FAM110B: variants seen among roughly 807,000 people sequenced by gnomAD.
FAM110B encodes the protein family with sequence similarity 110 member B.
Under a neutral mutation model 20.4 loss-of-function variants are expected in FAM110B, and 6 were observed. The ratio of observed to expected loss-of-function variants is 0.29; its 90% CI spans 0.16 to 0.58. The LOEUF (loss-of-function observed/expected upper bound fraction) is 0.58, where lower values mean the gene tolerates loss of function less well. Ranked by LOEUF, FAM110B falls within the 20% of genes least tolerant of loss-of-function variation. FAM110B has a pLI of 0.90. For synonymous variants in FAM110B, 226 were observed against 214.1 expected, an observed-to-expected ratio of 1.06 and a Z score of -0.49; for missense variants, 434 against 498.2, an observed-to-expected ratio of 0.87 and a Z score of 1.23.
rs562693134 is a variant in FAM110B at position 58,004,700 on chromosome 8, G to A, written c.-512+9894G>A. The stretch of plus-strand genomic sequence containing the variant: ...GCGGAGATTGCAGTGAGCTGAGATC[G>A]CACCACTGCACTCCAGCCTGGGCGA... On this transcript the variant is annotated intron_variant, in intron 1 of 3. Transcript: ENST00000519262. Among the ~76,000 whole-genome samples the A allele has an allele frequency of 5.3e-5, 8 of 152,308 alleles. 1 individual carries two copies. Among genetic ancestry groups the A allele is most frequent in the South Asian group, 2.1e-4 (1 of 4,832 alleles).
At chr8:58,017,209 A>T (rs1313765837) in intron 1 of FAM110B, among the ~76,000 whole-genome samples, 1 of 152,214 alleles carries the variant, frequency 6.6e-6, no homozygotes, top group Non-Finnish European at 1.5e-5. Flanking sequence ...TTGAGCATTT[A>T]CAAGGCTTAA....
At chr8:58,136,923 C>T (rs149629303) in intron 3 of FAM110B, among the ~76,000 whole-genome samples, 1 of 152,164 alleles carries the variant, frequency 6.6e-6, no homozygotes, top group African/African-American at 2.4e-5. Flanking sequence ...AAGAATCCAT[C>T]GTGGATTGAG....
intron 1 of FAM110B, among the ~76,000 whole-genome samples, chr8:58,019,254 C>T (rs1373188486): frequency 7.0e-6 from 1 of 143,876 alleles, no homozygotes; most frequent in Non-Finnish European, 1.5e-5. Context: ...AGGAGAATCT[C>T]TTGAACCCGG....
intron 3 of FAM110B, among the ~76,000 whole-genome samples, chr8:58,098,646 G>A (rs1314004263): frequency 6.6e-6 from 1 of 152,176 alleles, no homozygotes; most frequent in African/African-American, 2.4e-5. Context: ...GCCCAGTTTT[G>A]TGCAGGAAAC....
intron 2 of FAM110B, among the ~76,000 whole-genome samples, chr8:58,035,041 A>G (rs1805049090): frequency 1.3e-5 from 2 of 152,232 alleles, no homozygotes; most frequent in Non-Finnish European, 2.9e-5. Context: ...ATGATTGACT[A>G]CTAGAGTGAA....
At chr8:58,132,081 AG>A (rs1165565606) in intron 3 of FAM110B, among the ~76,000 whole-genome samples, 1 of 151,962 alleles carries the variant, frequency 6.6e-6, no homozygotes, top group African/African-American at 2.4e-5. Flanking sequence ...TCCACGAAGG[AG>A]GGTGTCGCCA....
intron 2 of FAM110B, among the ~76,000 whole-genome samples, chr8:58,066,294 G>A (rs906954721): frequency 6.6e-6 from 1 of 152,128 alleles, no homozygotes; most frequent in Admixed American, 6.5e-5. Context: ...CCCTCTCAGC[G>A]GGCGACCTCC....
At chr8:58,005,653 C>T (rs1228465747) in intron 1 of FAM110B, among the ~76,000 whole-genome samples, 6 of 152,190 alleles carry the variant, frequency 3.9e-5, no homozygotes, top group Non-Finnish European at 8.8e-5. Context: ...CCTCCCTAAT[C>T]TGTGTGGTCT....
At chr8:58,120,076 C>G (rs1402250354) in intron 3 of FAM110B, among the ~76,000 whole-genome samples, 1 of 152,142 alleles carries the variant, frequency 6.6e-6, no homozygotes, top group Non-Finnish European at 1.5e-5. Flanking sequence ...AGGACACCTT[C>G]CTCAAGGGCA....
intron 2 of FAM110B, among the ~76,000 whole-genome samples, chr8:58,052,752 T>A (rs893109202): frequency 1.4e-5 from 2 of 140,290 alleles, no homozygotes; most frequent in East Asian, 4.2e-4. Context: ...CCTGATAGAG[T>A]GTGGTGAGAG....
chr8:58,131,885 G>A (rs1314472971), intron 3 of FAM110B, among the ~76,000 whole-genome samples: 3 of 152,138 alleles, frequency 2.0e-5, no homozygotes, highest in African/African-American at 7.2e-5. Context: ...ATTCCCTTGA[G>A]GGCAGAGCTT....
At chr8:58,118,624 C>T (rs1807278200) in intron 3 of FAM110B, among the ~76,000 whole-genome samples, 1 of 152,140 alleles carries the variant, frequency 6.6e-6, no homozygotes, top group South Asian at 2.1e-4. Flanking sequence ...GACTGTTTAC[C>T]TTCAGTGCCT....
Position 58,146,234 on chromosome 8 carries a change from C to T in FAM110B, c.4C>T (p.Pro2Ser), listed in dbSNP as rs781193280. 5 of 1,590,822 alleles carry T rather than the reference C, an allele frequency of 3.1e-6. No individual in the cohort carries two copies. The highest frequency in any genetic ancestry group is 1.1e-5 in the South Asian group (1 of 89,298). ...TGCCGGGGAAAGACCGCCCACCATG[C>T]CCACGGAGACCCTACAGACAGGTAG... MPTETLQTGSMV... is the reference protein window; with the variant it reads MSTETLQTGSMV... Residue 2 changes from proline (P) to serine (S), a missense_variant, in exon 4 of 4, where the codon CCC becomes TCC. Transcript: ENST00000519262.
intron 1 of FAM110B, among the ~76,000 whole-genome samples, chr8:58,006,917 A>ATTT (rs199509693): frequency 1.2e-5 from 1 of 84,176 alleles, no homozygotes; most frequent in Non-Finnish European, 2.5e-5. Context: ...ATATATATAT[A>ATTT]TATATATTTT....
intron 3 of FAM110B, among the ~76,000 whole-genome samples, chr8:58,124,711 G>A (rs540948202): frequency 7.2e-5 from 11 of 152,200 alleles, no homozygotes; most frequent in African/African-American, 7.2e-5. Flanking sequence ...ACCTAGAAGC[G>A]TATGTTGTTT....
At chr8:58,103,456 AATG>A (rs1806835729) in intron 3 of FAM110B, among the ~76,000 whole-genome samples, 1 of 152,012 alleles carries the variant, frequency 6.6e-6, no homozygotes, top group South Asian at 2.1e-4. Flanking sequence ...GTTTACTGAG[AATG>A]ATGATTTCCA....
intron 2 of FAM110B, among the ~76,000 whole-genome samples, chr8:58,054,780 T>C (rs1160867623): frequency 6.6e-6 from 1 of 152,172 alleles, no homozygotes; most frequent in Non-Finnish European, 1.5e-5. Flanking sequence ...GCAAAAGACC[T>C]CTACCTGTAG....
At chr8:58,104,480 T>G (rs73682150) in intron 3 of FAM110B, among the ~76,000 whole-genome samples, 3,050 of 152,284 alleles carry the variant, frequency 0.02, 59 homozygotes, top group South Asian at 0.1. Context: ...TGGATTAAAA[T>G]ATAGTGATTG....
chr8:58,072,433 G>A (rs955830307), intron 2 of FAM110B, among the ~76,000 whole-genome samples: 1 of 152,142 alleles, frequency 6.6e-6, no homozygotes, highest in Non-Finnish European at 1.5e-5. Flanking sequence ...ATCCCAAAGG[G>A]ACTTTTAACA....
Sources: gnomAD v4.1 joint callset for allele counts (sites outside exome capture counted in the v4.1 genomes callset) on GRCh38, gnomAD v4.1.1 for gene constraint, MANE v1.5 for transcripts, NCBI Gene and HGNC (gene_info 2026-07-23, HGNC 2026-07-21) for gene names.